HNF4G: variants seen among roughly 807,000 people sequenced by gnomAD.
HNF4G encodes hepatocyte nuclear factor 4-gamma.
In HNF4G, 21 loss-of-function variants were observed where a neutral mutation model predicts 50.9. That is an observed-to-expected ratio of 0.41 (90% confidence interval 0.29 to 0.59). The LOEUF is 0.59. Among genes scored for constraint, HNF4G ranks in the 20% least tolerant of loss-of-function variants. The pLI is 0.26. For missense variants in HNF4G, 527 were observed against 559.4 expected (o/e 0.94, Z 0.58); for synonymous variants, 198 against 185.6 (o/e 1.07, Z -0.54).
At chr8:75,439,057 A>G (rs1272106317) in intron 1 of HNF4G, among the ~76,000 whole-genome samples, 3 of 152,026 alleles carry the variant, frequency 2.0e-5, no homozygotes, top group African/African-American at 7.2e-5. Flanking sequence ...CTAGGCTTGG[A>G]TATTTAGGCA....
chr8:75,534,717 T>G (rs913642556), intron 2 of HNF4G, among the ~76,000 whole-genome samples: 5 of 151,898 alleles, frequency 3.3e-5, no homozygotes, highest in African/African-American at 1.2e-4. Flanking sequence ...TTCTTTAGAT[T>G]TTACTGTCAA....
At chr8:75,447,724 C>G (rs1811458804) in intron 1 of HNF4G, among the ~76,000 whole-genome samples, 1 of 150,308 alleles carries the variant, frequency 6.7e-6, no homozygotes, top group East Asian at 2.0e-4. Flanking sequence ...AAATCAAAAC[C>G]ACTATGAGAT....
At chr8:75,460,052 G>A (rs948561703) in intron 1 of HNF4G, among the ~76,000 whole-genome samples, 5 of 148,598 alleles carry the variant, frequency 3.4e-5, no homozygotes, top group Middle Eastern at 3.4e-3. Flanking sequence ...TATAAAGAAA[G>A]CTTAAATCAA....
intron 1 of HNF4G, among the ~76,000 whole-genome samples, chr8:75,412,096 T>C (rs1181095414): frequency 6.6e-6 from 1 of 152,218 alleles, no homozygotes; most frequent in Non-Finnish European, 1.5e-5. Context: ...ACAAAGTACT[T>C]ATAACTTCAG....
intron 1 of HNF4G, among the ~76,000 whole-genome samples, chr8:75,443,032 G>A (rs1585846985): frequency 6.6e-6 from 1 of 152,248 alleles, no homozygotes; most frequent in East Asian, 1.9e-4. Context: ...GGAGGGTGGG[G>A]CCTTTAGGAG....
At chr8:75,435,412 A>G (rs1225258029) in intron 1 of HNF4G, among the ~76,000 whole-genome samples, 2 of 152,192 alleles carry the variant, frequency 1.3e-5, no homozygotes, top group African/African-American at 4.8e-5. Flanking sequence ...CTTTACTATA[A>G]TAAAGTGCAG....
chr8:75,564,156 T>A lies in HNF4G; in HGVS notation c.*60T>A. 1 of 1,580,700 alleles carries A rather than the reference T, an allele frequency of 6.3e-7. No homozygotes were observed. The highest frequency in any genetic ancestry group is 8.6e-7 in the Non-Finnish European group (1 of 1,156,262). On this transcript the variant is annotated 3_prime_UTR_variant, in exon 10 of 10. Transcript: ENST00000396423. The stretch of plus-strand genomic sequence containing the variant: ...GTGAAAAGTTGTTGATCTTGAAATA[T>A]CTCAGGATAGCACTTTTGGCAAACT...
At chr8:75,553,832 C>A (rs1251286517) in intron 5 of HNF4G, among the ~76,000 whole-genome samples, 2 of 151,418 alleles carry the variant, frequency 1.3e-5, no homozygotes, top group Non-Finnish European at 3.0e-5. Context: ...TTTACTAATA[C>A]TTCTATTTTC....
At chr8:75,458,629 T>C (rs1585861820) in intron 1 of HNF4G, among the ~76,000 whole-genome samples, 1 of 152,192 alleles carries the variant, frequency 6.6e-6, no homozygotes, top group Non-Finnish European at 1.5e-5. Context: ...ATCTCCTTAA[T>C]GTCTTTGTTT....
chr8:75,555,922 T>C, intron 5 of HNF4G, 60 bp from the exon 6 acceptor site: 1 of 925,272 alleles, frequency 1.1e-6, no homozygotes, highest in Non-Finnish European at 1.6e-6. Context: ...ACAAGACTCA[T>C]GTCATCTTTT....
Position 75,551,422 on chromosome 8 carries a change from A to C in HNF4G, c.417A>C (p.Arg139Ser), listed in dbSNP as rs757778721. 25 of 1,613,188 alleles carry C rather than the reference A, an allele frequency of 1.5e-5. No homozygotes were observed. Among genetic ancestry groups the C allele is most frequent in the Middle Eastern group, 1.6e-4 (1 of 6,078 alleles). ...VQNERDRIST[R>S]RSTFDGSNIP... Reference sequence around the variant, plus strand: ...ATGAACGTGACAGAATAAGCACCAGAAGAAGCACATTTGATGGCAGCAACA... The same window carrying C: ...ATGAACGTGACAGAATAAGCACCAGCAGAAGCACATTTGATGGCAGCAACA... Residue 139 changes from arginine (R) to serine (S), a missense_variant, in exon 4 of 10, where the codon AGA (arginine) becomes AGC (serine). Transcript: ENST00000396423.
chr8:75,441,877 G>A (rs1811295432), intron 1 of HNF4G, among the ~76,000 whole-genome samples: 1 of 152,162 alleles, frequency 6.6e-6, no homozygotes, highest in African/African-American at 2.4e-5. Context: ...AGCACTGTTT[G>A]TAAAAGCAAA....
chr8:75,458,509 C>G (rs1225474826), intron 1 of HNF4G, among the ~76,000 whole-genome samples: 2 of 151,146 alleles, frequency 1.3e-5, no homozygotes, highest in African/African-American at 4.9e-5. Flanking sequence ...TTCATAATAT[C>G]TACTCAGACA....
chr8:75,536,191 A>G (rs1228317777), upstream of HNF4G, among the ~76,000 whole-genome samples: 1 of 152,076 alleles, frequency 6.6e-6, no homozygotes, highest in East Asian at 1.9e-4. Flanking sequence ...AGAGATTTTC[A>G]GTAGTTCATA....
chr8:75,445,041 T>A (rs1811390569), intron 1 of HNF4G, among the ~76,000 whole-genome samples: 1 of 150,438 alleles, frequency 6.6e-6, no homozygotes, highest in South Asian at 2.1e-4. Context: ...AAAGCTCTCC[T>A]CAGCAAATGT....
At chr8:75,513,788 TTTTC>T (rs1248137884) in intron 2 of HNF4G, among the ~76,000 whole-genome samples, 51 of 151,832 alleles carry the variant, frequency 3.4e-4, no homozygotes, top group African/African-American at 1.2e-3. Flanking sequence ...TTATTTATAT[TTTTC>T]TTAATTTTTG....
intron 1 of HNF4G, among the ~76,000 whole-genome samples, chr8:75,440,992 T>C: frequency 6.6e-6 from 1 of 152,078 alleles, no homozygotes; most frequent in Non-Finnish European, 1.5e-5. Context: ...GTAGCTGGGA[T>C]TACAGGCAGG....
chr8:75,480,136 T>C (rs897179273), intron 1 of HNF4G, among the ~76,000 whole-genome samples: 1 of 152,334 alleles, frequency 6.6e-6, no homozygotes, highest in East Asian at 1.9e-4. Flanking sequence ...TTTTGGTTTA[T>C]TAATGTAAAT....
At chr8:75,428,897 A>G (rs1810944717) in intron 1 of HNF4G, among the ~76,000 whole-genome samples, 1 of 152,086 alleles carries the variant, frequency 6.6e-6, no homozygotes, top group South Asian at 2.1e-4. Flanking sequence ...GCAGGTGAAA[A>G]ATGGATTGGG....
Sources: allele counts gnomAD v4.1 joint callset (sites outside exome capture counted in the v4.1 genomes callset), GRCh38; gene constraint gnomAD v4.1.1; transcripts MANE v1.5; gene names NCBI Gene and HGNC (gene_info 2026-07-23, HGNC 2026-07-21).